Variants in DIAPH1 observed in about 807,000 individuals in gnomAD.
DIAPH1 encodes the protein diaphanous related formin 1.
DIAPH1 carries 46 observed loss-of-function variants against 140.7 expected under a neutral mutation model. That is an observed-to-expected ratio of 0.33 (90% CI 0.26 to 0.42). The LOEUF is 0.42. DIAPH1 is among the 10% of genes least tolerant of loss of function. The pLI, the probability that DIAPH1 is intolerant of heterozygous loss-of-function variation, is 1.00. For synonymous variants in DIAPH1, 565 were observed against 551.6 expected (o/e 1.02, Z -0.34); for missense variants, 1,310 against 1,558.7 (o/e 0.84, Z 2.69).
intron 18 of DIAPH1, among the ~76,000 whole-genome samples, chr5:141,570,597 C>T (rs1000120819): frequency 7.3e-5 from 11 of 151,144 alleles, no homozygotes; most frequent in Non-Finnish European, 1.2e-4. Context: ...CATCAGATCA[C>T]TTAAGGAAAA....
chr5:141,616,539 ACCCACGTATACATAC>A (rs1381712679), intron 1 of DIAPH1, among the ~76,000 whole-genome samples: 1 of 152,176 alleles, frequency 6.6e-6, no homozygotes, highest in Non-Finnish European at 1.5e-5. Flanking sequence ...CACTCCACCC[ACCCACGTATACATAC>A]ACAGACACAA....
chr5:141,537,399 C>T (rs2099889199), intron 18 of DIAPH1, among the ~76,000 whole-genome samples: 1 of 142,442 alleles, frequency 7.0e-6, no homozygotes, highest in Admixed American at 7.7e-5. Flanking sequence ...AGGAAAATCG[C>T]TTGAACCTGG....
At chr5:141,594,919 T>C (rs186529014) in intron 1 of DIAPH1, among the ~76,000 whole-genome samples, 34 of 151,248 alleles carry the variant, frequency 2.2e-4, no homozygotes, top group African/African-American at 8.3e-4. Context: ...CGGGTGCCTG[T>C]AATCCCAGCT....
chr5:141,561,218 A>G (rs1242328508), intron 18 of DIAPH1, among the ~76,000 whole-genome samples: 1 of 152,206 alleles, frequency 6.6e-6, no homozygotes, highest in Non-Finnish European at 1.5e-5. Context: ...AGAAGAAATC[A>G]CTGGCTCTAA....
chr5:141,612,237 G>A (rs1596414351), intron 1 of DIAPH1, among the ~76,000 whole-genome samples: 1 of 152,180 alleles, frequency 6.6e-6, no homozygotes, highest in Non-Finnish European at 1.5e-5. Flanking sequence ...AAAACAGTTT[G>A]AAAACAGTTT....
intron 18 of DIAPH1, among the ~76,000 whole-genome samples, chr5:141,542,141 G>A (rs944724983): frequency 6.6e-6 from 1 of 152,122 alleles, no homozygotes; most frequent in African/African-American, 2.4e-5. Flanking sequence ...CGTAGAAATA[G>A]TCTAACTGTC....
intron 1 of DIAPH1, among the ~76,000 whole-genome samples, chr5:141,613,033 CAG>C (rs2099902092): frequency 6.6e-6 from 1 of 152,112 alleles, no homozygotes; most frequent in Non-Finnish European, 1.5e-5. Flanking sequence ...GTCACAAAAT[CAG>C]AAATCCAGAA....
chr5:141,575,157 A>C lies in DIAPH1; in HGVS notation c.1462-11T>G. On this transcript the variant is annotated splice_polypyrimidine_tract_variant and intron_variant, in intron 14 of 27. Coordinates refer to ENST00000389054, the MANE Select transcript of DIAPH1 (RefSeq NM_005219.5). ...TAACTCTGAGTCCAACTAGAGAAAA[A>C]ACGAATCAGGCTCCCAGCAAGCTCT... 6.2e-7 allele frequency: 1 copy of C among 1,614,088 alleles called. No homozygotes were observed.
At position 141,529,177 on chromosome 5, in the gene DIAPH1, C is replaced by G; in HGVS notation, c.2773G>C (p.Val925Leu). The change falls in exon 21 of 28, where the codon GTG (valine) becomes CTG (leucine). Residue 925 changes from valine to leucine, a missense_variant. Coordinates refer to ENST00000389054, the MANE Select transcript of DIAPH1 (RefSeq NM_005219.5). ...DDLAESEQFG[V>L]VMGTVPRLRP... is the part of the protein sequence containing the mutation. Reference sequence around the variant, plus strand: ...CTGCCACAGGCCTCACTCACCACCACGCCAAACTGCTCTGACTCAGCCAGG... The same window carrying G: ...CTGCCACAGGCCTCACTCACCACCAGGCCAAACTGCTCTGACTCAGCCAGG... 1.2e-6 allele frequency: 2 copies of G among 1,614,106 alleles called. No homozygotes were observed. Among genetic ancestry groups the G allele is most frequent in the Non-Finnish European group, 1.7e-6 (2 of 1,179,940 alleles).
At chr5:141,578,653 T>C (rs767292346) in intron 9 of DIAPH1, 28 bp from the exon 10 acceptor site, 1 of 1,537,186 alleles carries the variant, frequency 6.5e-7, no homozygotes, top group South Asian at 1.1e-5. Context: ...AGCAGCTATG[T>C]CAATGCTAAC....
chr5:141,598,646 C>T (rs2099899689), intron 1 of DIAPH1, among the ~76,000 whole-genome samples: 1 of 152,060 alleles, frequency 6.6e-6, no homozygotes, highest in Non-Finnish European at 1.5e-5. Flanking sequence ...CTTTTGGTTA[C>T]CATCTACAGG....
intron 1 of DIAPH1, among the ~76,000 whole-genome samples, chr5:141,616,577 T>G (rs12653033): frequency 0.11 from 16,040 of 152,092 alleles, 962 homozygotes; most frequent in South Asian, 0.15. Context: ...AGAAGTGGAT[T>G]GCAATGCTCC....
intron 18 of DIAPH1, among the ~76,000 whole-genome samples, chr5:141,559,912 C>A (rs2099893255): frequency 6.6e-6 from 1 of 152,200 alleles, no homozygotes; most frequent in Non-Finnish European, 1.5e-5. Context: ...TTCAAAAACA[C>A]AATTATTAAT....
intron 1 of DIAPH1, among the ~76,000 whole-genome samples, chr5:141,611,314 G>T (rs2099901812): frequency 6.6e-6 from 1 of 152,014 alleles, no homozygotes. Flanking sequence ...AAAGATTTTT[G>T]AAATGTAACA....
At chr5:141,595,247 T>C (rs2099899127) in intron 1 of DIAPH1, among the ~76,000 whole-genome samples, 2 of 152,160 alleles carry the variant, frequency 1.3e-5, no homozygotes. Flanking sequence ...TGTATGATAC[T>C]ATAGTGATGG....
intron 7 of DIAPH1, 34 bp downstream of exon 7, chr5:141,582,278 A>G (rs2099896895): frequency 1.9e-6 from 3 of 1,558,480 alleles, no homozygotes; most frequent in Non-Finnish European, 2.7e-6. Flanking sequence ...AGGCGTCCAG[A>G]TGGGGTTTGG....
At chr5:141,518,178 GT>G (rs1307752397) in intron 27 of DIAPH1, among the ~76,000 whole-genome samples, 1 of 152,170 alleles carries the variant, frequency 6.6e-6, no homozygotes, top group African/African-American at 2.4e-5. Context: ...GGATTATGAA[GT>G]TTTTCTTCTG....
intron 18 of DIAPH1, among the ~76,000 whole-genome samples, chr5:141,538,803 A>G (rs2099889492): frequency 6.6e-6 from 1 of 152,166 alleles, no homozygotes; most frequent in African/African-American, 2.4e-5. Flanking sequence ...GCTGGGCTCA[A>G]GCAATCCACC....
At chr5:141,528,208 C>A (rs184243363) in intron 23 of DIAPH1, among the ~76,000 whole-genome samples, 2 of 152,166 alleles carry the variant, frequency 1.3e-5, no homozygotes, top group Non-Finnish European at 2.9e-5. Context: ...AAACACCTGC[C>A]TTTCTAGCTG....
Sources: gnomAD v4.1 joint callset for allele counts (sites outside exome capture counted in the v4.1 genomes callset) on GRCh38, gnomAD v4.1.1 for gene constraint, MANE v1.5 for transcripts, NCBI Gene and HGNC (gene_info 2026-07-23, HGNC 2026-07-21) for gene names.